ATP9A: variants seen among roughly 807,000 people sequenced by gnomAD.
ATP9A encodes the protein probable phospholipid-transporting ATPase IIA.
A neutral mutation model predicts 144.1 loss-of-function variants in ATP9A; 52 were observed. The ratio of observed to expected loss-of-function variants is 0.36; its 90% CI spans 0.29 to 0.45. The LOEUF (loss-of-function observed/expected upper bound fraction) is 0.45. ATP9A is among the 20% of genes least tolerant of loss of function. The probability of loss-of-function intolerance (pLI) is 1.00; values close to 1 mark genes in which losing one functional copy is unlikely to be tolerated. For missense variants in ATP9A, 947 were observed against 1,392.7 expected (o/e 0.68, Z 5.09); for synonymous variants, 582 against 557.4 (o/e 1.04, Z -0.62).
intron 15 of ATP9A, among the ~76,000 whole-genome samples, chr20:51,634,156 T>C (rs2077281279): frequency 6.6e-6 from 1 of 152,176 alleles, no homozygotes; most frequent in Non-Finnish European, 1.5e-5. Context: ...CCTTCACAAC[T>C]AGCTGAAGAG....
At chr20:51,630,796 C>T (rs1251582052) in intron 15 of ATP9A, among the ~76,000 whole-genome samples, 1 of 152,144 alleles carries the variant, frequency 6.6e-6, no homozygotes, top group Non-Finnish European at 1.5e-5. Flanking sequence ...CTTAATTCAC[C>T]GTCCTTCACA....
chr20:51,755,880 G>A (rs2122911664), intron 1 of ATP9A, among the ~76,000 whole-genome samples: 1 of 151,994 alleles, frequency 6.6e-6, no homozygotes, highest in South Asian at 2.1e-4. Context: ...GCGTGAACCT[G>A]GGAGGCGGAG....
At chr20:51,694,645 A>AT (rs2077562901) in intron 6 of ATP9A, among the ~76,000 whole-genome samples, 1 of 152,202 alleles carries the variant, frequency 6.6e-6, no homozygotes, top group Non-Finnish European at 1.5e-5. Context: ...TAAAGAGCTG[A>AT]TTCGTGCGCA....
At chr20:51,669,913 C>T (rs2077448674) in intron 13 of ATP9A, 84 bp downstream of exon 13, 9 of 916,776 alleles carry the variant, frequency 9.8e-6, no homozygotes, top group Admixed American at 3.8e-5. Flanking sequence ...GTGAATTGTA[C>T]GGTATTGTGA....
At chr20:51,766,563 C>T (rs1229382049) in intron 1 of ATP9A, among the ~76,000 whole-genome samples, 1 of 152,102 alleles carries the variant, frequency 6.6e-6, no homozygotes, top group African/African-American at 2.4e-5. Context: ...CGAAGGAGGC[C>T]GGGCGCGGTG....
chr20:51,743,291 C>A (rs1423862331), intron 1 of ATP9A, among the ~76,000 whole-genome samples: 1 of 151,984 alleles, frequency 6.6e-6, no homozygotes, highest in African/African-American at 2.4e-5. Context: ...TGCTGTTGTT[C>A]CTTAACACCA....
At chr20:51,744,927 C>T (rs1474938976) in intron 1 of ATP9A, among the ~76,000 whole-genome samples, 8 of 151,958 alleles carry the variant, frequency 5.3e-5, no homozygotes, top group Admixed American at 5.2e-4. Context: ...GTCAGGAGTT[C>T]GAGACCAGCC....
intron 1 of ATP9A, among the ~76,000 whole-genome samples, chr20:51,751,101 T>G (rs2077829522): frequency 6.6e-6 from 1 of 152,104 alleles, no homozygotes. Context: ...AATTCCCTTT[T>G]TCTCTGCAGA....
rs2077613050 is a variant in ATP9A, at chr20:51,705,968, T to C, written c.436+6998A>G. 2.6e-5 allele frequency among the ~76,000 whole-genome samples: 4 copies of C among 152,156 alleles called. No homozygotes were observed. In the South Asian group the frequency reaches 8.3e-4, roughly 32 times the overall value. ...TTAAAACCATAAAAACTCATAAAGG[T>C]CTAAGAACTGCTCTTAAGTCTCTGA... On this transcript the variant is annotated intron_variant, in intron 4 of 27. Coordinates refer to ENST00000338821, the MANE Select transcript of ATP9A (RefSeq NM_006045.3).
intron 14 of ATP9A, among the ~76,000 whole-genome samples, chr20:51,651,862 G>C (rs1355931446): frequency 6.6e-6 from 1 of 152,100 alleles, no homozygotes; most frequent in Non-Finnish European, 1.5e-5. Context: ...CCGGGAGGCG[G>C]AGATTGCAGT....
chr20:51,615,429 C>A (rs1329014194), intron 22 of ATP9A, among the ~76,000 whole-genome samples: 1 of 151,738 alleles, frequency 6.6e-6, no homozygotes. Flanking sequence ...AAGTAAGCTG[C>A]ACAACAAAAT....
chr20:51,756,551 A>G (rs756177239), intron 1 of ATP9A, among the ~76,000 whole-genome samples: 4 of 152,004 alleles, frequency 2.6e-5, no homozygotes, highest in Non-Finnish European at 2.9e-5. Flanking sequence ...TCAGCCTCCT[A>G]AAGTTCTGGG....
At chr20:51,762,705 C>CTT (rs34209501) in intron 1 of ATP9A, among the ~76,000 whole-genome samples, 17,552 of 84,464 alleles carry the variant, frequency 0.21, 2,553 homozygotes, top group Non-Finnish European at 0.23. Context: ...CCACAAATGG[C>CTT]TTTTTTTTTT....
chr20:51,764,989 G>A (rs1391905083), intron 1 of ATP9A, among the ~76,000 whole-genome samples: 1 of 152,116 alleles, frequency 6.6e-6, no homozygotes, highest in African/African-American at 2.4e-5. Flanking sequence ...CCAAAGTGCT[G>A]GGATTACAGG....
At chr20:51,725,798 A>G (rs374181154) in intron 3 of ATP9A, 21 bp downstream of exon 3, 215 of 1,494,548 alleles carry the variant, frequency 1.4e-4, no homozygotes, top group Non-Finnish European at 1.9e-4. Context: ...GTTACTGAAC[A>G]AACAATGCCG....
At chr20:51,706,705 G>A (rs925044464) in intron 4 of ATP9A, among the ~76,000 whole-genome samples, 1 of 152,210 alleles carries the variant, frequency 6.6e-6, no homozygotes, top group Non-Finnish European at 1.5e-5. Flanking sequence ...AACTGTGACT[G>A]TGCCACTGTA....
In ATP9A at chr20:51,599,269, G is replaced by T. The variant is rs1422048284; in HGVS notation, c.*1942C>A. On this transcript the variant is annotated 3_prime_UTR_variant, in exon 28 of 28. Coordinates refer to ENST00000338821, the MANE Select transcript of ATP9A (RefSeq NM_006045.3). Reference sequence around the variant, plus strand: ...CGTTACAGAGCCAGGTTCAGCATCTGCAAAGTCTAAATGGGACTATCTTAA... The same window carrying T: ...CGTTACAGAGCCAGGTTCAGCATCTTCAAAGTCTAAATGGGACTATCTTAA... 2.0e-5 allele frequency: 3 copies of T among 152,328 alleles called. No homozygotes were observed. The East Asian group carries it at 5.8e-4, about 29-fold the overall frequency. The allele number at this position is 152,328 out of a possible 1,614,324, so 9.4% of individuals were successfully genotyped here.
At chr20:51,653,905 T>A (rs2122766163) in intron 14 of ATP9A, among the ~76,000 whole-genome samples, 1 of 152,324 alleles carries the variant, frequency 6.6e-6, no homozygotes, top group East Asian at 1.9e-4. Context: ...CACAGGTTAC[T>A]GGTTCCAAGT....
intron 1 of ATP9A, among the ~76,000 whole-genome samples, chr20:51,759,347 T>A (rs1341636928): frequency 6.6e-6 from 1 of 152,160 alleles, no homozygotes; most frequent in African/African-American, 2.4e-5. Context: ...TATCTAATAC[T>A]CCCTCCACCA....
Sources: allele counts gnomAD v4.1 joint callset (sites outside exome capture counted in the v4.1 genomes callset), GRCh38; gene constraint gnomAD v4.1.1; transcripts MANE v1.5; gene names NCBI Gene and HGNC (gene_info 2026-07-23, HGNC 2026-07-21).